The following COL13A1 variants were observed in gnomAD, a reference collection of about 807,000 sequenced individuals.
COL13A1 encodes the protein collagen type XIII alpha 1 chain, also known as collagen alpha-1(XIII) chain.
COL13A1 carries 89 observed loss-of-function variants against 130.9 expected under a neutral mutation model. The ratio of observed to expected loss-of-function variants is 0.68; its 90% confidence interval spans 0.57 to 0.81. The LOEUF (loss-of-function observed/expected upper bound fraction) is 0.81, where lower values mean the gene tolerates loss of function less well. COL13A1 is among the 30% of genes least tolerant of loss of function. COL13A1 has a pLI of 0.00. For missense variants in COL13A1, 879 were observed against 934.6 expected, an observed-to-expected ratio of 0.94 and a Z score of 0.78; for synonymous variants, 402 against 341.6, an observed-to-expected ratio of 1.18 and a Z score of -1.95.
At chr10:69,829,881 T>G (rs1848408774) in intron 2 of COL13A1, among the ~76,000 whole-genome samples, 1 of 152,230 alleles carries the variant, frequency 6.6e-6, no homozygotes, top group Admixed American at 6.5e-5. Context: ...TGGGGAATTC[T>G]CCAAAGTTCA....
At chr10:69,874,141 C>A (rs913950330) in intron 4 of COL13A1, among the ~76,000 whole-genome samples, 1 of 152,216 alleles carries the variant, frequency 6.6e-6, no homozygotes, top group Non-Finnish European at 1.5e-5. Context: ...TTGGTCTTGA[C>A]CTTATGTGTT....
intron 2 of COL13A1, among the ~76,000 whole-genome samples, chr10:69,849,356 C>T (rs898497274): frequency 3.3e-5 from 5 of 152,076 alleles, no homozygotes; most frequent in East Asian, 3.9e-4. Context: ...GGGTGGGGGG[C>T]GCTTCCGCAG....
chr10:69,843,567 C>T (rs558360957), intron 2 of COL13A1, among the ~76,000 whole-genome samples: 77 of 152,316 alleles, frequency 5.1e-4, no homozygotes, highest in African/African-American at 1.7e-3. Flanking sequence ...GGACAGCACA[C>T]GCACAGAACA....
chr10:69,929,293 T>C (rs1241322468), intron 28 of COL13A1, among the ~76,000 whole-genome samples: 2 of 151,778 alleles, frequency 1.3e-5, no homozygotes, highest in African/African-American at 4.8e-5. Flanking sequence ...GAGGACCCCA[T>C]CAGGGACCTC....
rs768542207 is a variant in COL13A1 at position 69,921,891 on chromosome 10, G to T, written c.1099G>T (p.Gly367Trp). 17 of 1,606,676 alleles carry T rather than the reference G, an allele frequency of 1.1e-5. No individual in the cohort carries two copies. Among genetic ancestry groups the T allele is most frequent in the Non-Finnish European group, 1.4e-5 (17 of 1,177,002 alleles). Residue 367 changes from glycine to tryptophan, a missense_variant, in exon 22 of 41, where the codon GGG becomes TGG. By Grantham distance (184) the Gly-to-Trp change is radical. This residue lies in a region of COL13A1 where 715 missense variants were observed against 721.0 expected (regional missense o/e 0.99). Coordinates refer to ENST00000645393, the MANE Select transcript of COL13A1 (RefSeq NM_001368882.1). ...CTGCATCTCCCTGCAGGGTGAGAAG[G>T]GGGCTGAAGGCTCCCCTGGGCTTCC... ...LGKRGQRGEK[G>W]AEGSPGLPGL... is the part of the protein sequence containing the mutation.
At chr10:69,904,703 C>A (rs145243554) in intron 15 of COL13A1, among the ~76,000 whole-genome samples, 1 of 152,182 alleles carries the variant, frequency 6.6e-6, no homozygotes, top group Non-Finnish European at 1.5e-5. Context: ...TTGCCCGCGG[C>A]CCCCACATGG....
chr10:69,931,541 A>G (rs1298191354), intron 30 of COL13A1, among the ~76,000 whole-genome samples: 1 of 152,138 alleles, frequency 6.6e-6, no homozygotes, highest in Admixed American at 6.5e-5. Flanking sequence ...ATTCTCCTCT[A>G]GGAAGTGGAA....
intron 2 of COL13A1, among the ~76,000 whole-genome samples, chr10:69,839,018 C>T (rs1850865757): frequency 6.6e-6 from 1 of 152,200 alleles, no homozygotes; most frequent in African/African-American, 2.4e-5. Flanking sequence ...AAGACCTGAC[C>T]CTGTCTCTAG....
intron 14 of COL13A1, among the ~76,000 whole-genome samples, chr10:69,901,403 T>C (rs1305984389): frequency 1.3e-5 from 2 of 152,306 alleles, no homozygotes; most frequent in East Asian, 3.9e-4. Flanking sequence ...CATTCCCAGG[T>C]TGTGCACTCC....
chr10:69,958,863 C>T lies in COL13A1; in HGVS notation c.*162C>T, dbSNP rs1013408974. 10 of 964,270 alleles carry T rather than the reference C, an allele frequency of 1.0e-5. No homozygotes were observed. Among genetic ancestry groups the T allele is most frequent in the Non-Finnish European group, 1.5e-5 (10 of 669,658 alleles). 59.7% of individuals were successfully genotyped at this position (964,270 alleles called of 1,614,324 possible). ...TTTGTACAGAAAATATCAACCTCTT[C>T]CCTTTTGTTTACAAGATGTTTTGTA... is the stretch of plus-strand genomic sequence containing the variant. On this transcript the variant is annotated 3_prime_UTR_variant, in exon 41 of 41. Transcript: ENST00000645393.
intron 2 of COL13A1, among the ~76,000 whole-genome samples, chr10:69,864,534 A>G (rs1859241508): frequency 6.6e-6 from 1 of 152,198 alleles, no homozygotes; most frequent in Admixed American, 6.5e-5. Context: ...AAAAAAATGA[A>G]GTTTTCCTTC....
chr10:69,868,298 AGGT>A (rs987015383), intron 3 of COL13A1, among the ~76,000 whole-genome samples: 3 of 151,094 alleles, frequency 2.0e-5, no homozygotes, highest in Non-Finnish European at 2.9e-5. Context: ...CACTTTGGGC[AGGT>A]GGTGGTGGTG....
chr10:69,938,899 G>GC (rs1234689001), intron 34 of COL13A1, among the ~76,000 whole-genome samples: 2 of 152,206 alleles, frequency 1.3e-5, no homozygotes, highest in African/African-American at 4.8e-5. Flanking sequence ...GAGCCTTCCT[G>GC]CCCCACTCAA....
At chr10:69,864,673 C>T (rs958575525) in intron 2 of COL13A1, among the ~76,000 whole-genome samples, 1 of 152,210 alleles carries the variant, frequency 6.6e-6, no homozygotes, top group Non-Finnish European at 1.5e-5. Flanking sequence ...AAAAAGGGCA[C>T]GACCCAGAAT....
At chr10:69,924,902 G>A in intron 24 of COL13A1, 61 bp from the exon 25 acceptor site, 1 of 1,496,600 alleles carries the variant, frequency 6.7e-7, no homozygotes, top group Non-Finnish European at 8.9e-7. Context: ...GCCCATCTAG[G>A]GACATCAGGC....
chr10:69,878,169 G>C, intron 6 of COL13A1, 104 bp downstream of exon 6: 1 of 685,226 alleles, frequency 1.5e-6, no homozygotes, highest in South Asian at 1.5e-5. Context: ...CCGCAGCAGA[G>C]GGTGCTGGCT....
At chr10:69,865,754 G>C (rs985788029) in intron 2 of COL13A1, among the ~76,000 whole-genome samples, 2 of 152,126 alleles carry the variant, frequency 1.3e-5, no homozygotes, top group Non-Finnish European at 2.9e-5. Flanking sequence ...AGAGAAGGGG[G>C]CTGGAGGCTG....
chr10:69,934,620 G>A (rs894465794), intron 31 of COL13A1, among the ~76,000 whole-genome samples: 20 of 152,236 alleles, frequency 1.3e-4, no homozygotes, highest in African/African-American at 4.1e-4. Flanking sequence ...ATGAAAGGAT[G>A]TGTGTGTTCA....
intron 2 of COL13A1, among the ~76,000 whole-genome samples, chr10:69,828,795 C>T (rs1848127527): frequency 6.6e-6 from 1 of 152,236 alleles, no homozygotes; most frequent in Admixed American, 6.5e-5. Context: ...AAACCACCCA[C>T]TGGGACAAGT....
Sources: gnomAD v4.1 joint callset for allele counts (sites outside exome capture counted in the v4.1 genomes callset) on GRCh38, gnomAD v4.1.1 for gene constraint, gnomAD v4.1.1 regional missense constraint, MANE v1.5 for transcripts, NCBI Gene and HGNC (gene_info 2026-07-23, HGNC 2026-07-21) for gene names.